The following SEMA4D variants were observed in gnomAD, a reference collection of about 807,000 sequenced individuals.
SEMA4D encodes the protein semaphorin-4D.
In SEMA4D, 22 loss-of-function variants were observed where a neutral mutation model predicts 74.8. The observed-to-expected ratio is 0.29, with a 90% confidence interval of 0.21 to 0.42. The LOEUF (loss-of-function observed/expected upper bound fraction) is 0.42. Ranked by LOEUF, SEMA4D falls within the 10% of genes least tolerant of loss-of-function variation. The pLI, the probability that SEMA4D is intolerant of heterozygous loss-of-function variation, is 1.00. For missense variants in SEMA4D, 937 were observed against 1,118.4 expected (o/e 0.84, Z 2.31); for synonymous variants, 445 against 463.7 (o/e 0.96, Z 0.52).
downstream of SEMA4D, among the ~76,000 whole-genome samples, chr9:89,373,212 G>A (rs982169895): frequency 6.6e-6 from 1 of 152,102 alleles, no homozygotes; most frequent in Non-Finnish European, 1.5e-5. Context: ...CGCACCCCAC[G>A]TTGGGCCCTT....
intron 2 of SEMA4D, among the ~76,000 whole-genome samples, chr9:89,438,963 CCTT>C (rs1851080840): frequency 8.5e-6 from 1 of 117,546 alleles, no homozygotes; most frequent in Non-Finnish European, 1.7e-5. Context: ...CCGCACCGGG[CCTT>C]TTTTTTTTTT....
At chr9:89,487,611 T>C (rs1036297130) in intron 1 of SEMA4D, among the ~76,000 whole-genome samples, 1 of 152,176 alleles carries the variant, frequency 6.6e-6, no homozygotes, top group African/African-American at 2.4e-5. Flanking sequence ...ATCAGAATTA[T>C]CTATATGAAA....
intron 2 of SEMA4D, among the ~76,000 whole-genome samples, chr9:89,414,324 G>A (rs552486803): frequency 6.6e-6 from 1 of 152,290 alleles, no homozygotes; most frequent in East Asian, 1.9e-4. Context: ...AGCGTGTTCT[G>A]GCTTATTTCT....
chr9:89,476,191 T>G (rs892114762), intron 1 of SEMA4D, among the ~76,000 whole-genome samples: 2 of 152,186 alleles, frequency 1.3e-5, no homozygotes, highest in African/African-American at 4.8e-5. Flanking sequence ...CCCTGCCTGC[T>G]CTGGGGCAGG....
intron 1 of SEMA4D, among the ~76,000 whole-genome samples, chr9:89,459,793 C>T (rs534980296): frequency 5.9e-5 from 9 of 152,318 alleles, no homozygotes; most frequent in African/African-American, 1.9e-4. Context: ...AAGGCCCACA[C>T]GCCACAAGAC....
intron 2 of SEMA4D, among the ~76,000 whole-genome samples, chr9:89,436,897 C>T (rs1316085343): frequency 2.0e-5 from 3 of 152,196 alleles, no homozygotes; most frequent in African/African-American, 7.2e-5. Flanking sequence ...GGGTGAGCTG[C>T]CTAAGGCCAC....
intron 8 of SEMA4D, 76 bp from the exon 9 acceptor site, chr9:89,391,491 G>T: frequency 6.8e-7 from 1 of 1,472,560 alleles, no homozygotes; most frequent in Non-Finnish European, 9.4e-7. Context: ...CACGAGGCCG[G>T]CCAACACTAC....
chr9:89,431,920 T>C (rs1349057178), intron 2 of SEMA4D, among the ~76,000 whole-genome samples: 3 of 152,226 alleles, frequency 2.0e-5, no homozygotes, highest in Admixed American at 6.5e-5. Flanking sequence ...CTGGGATCCA[T>C]ACAGTCAAGG....
At chr9:89,480,641 C>T (rs1824541882) in intron 1 of SEMA4D, among the ~76,000 whole-genome samples, 1 of 152,258 alleles carries the variant, frequency 6.6e-6, no homozygotes, top group Non-Finnish European at 1.5e-5. Flanking sequence ...TCAGTACACC[C>T]TCCGCAGCCA....
chr9:89,449,759 A>G, intron 2 of SEMA4D: 2 of 1,517,108 alleles, frequency 1.3e-6, no homozygotes, highest in Non-Finnish European at 1.8e-6. Context: ...TCAAGAAAGA[A>G]AAAGAGATGA....
At chr9:89,479,225 C>T (rs1862550478) in intron 1 of SEMA4D, among the ~76,000 whole-genome samples, 1 of 152,236 alleles carries the variant, frequency 6.6e-6, no homozygotes, top group Non-Finnish European at 1.5e-5. Flanking sequence ...CTCAGCCTCA[C>T]ACCCACCACA....
rs933259834 is a variant in SEMA4D, at chr9:89,386,680, A to G, written c.1331-198T>C. 1.3e-5 allele frequency: 7 copies of G among 521,552 alleles called. No individual in the cohort carries two copies. In the Admixed American group the frequency reaches 2.1e-4, roughly 16 times the overall value. The allele number at this position is 521,552 out of a possible 1,614,324, so 32.3% of individuals were successfully genotyped here. On this transcript the variant is annotated intron_variant, in intron 12 of 15. Coordinates refer to ENST00000422704, the MANE Select transcript of SEMA4D (RefSeq NM_001371194.2). Reference sequence around the variant, plus strand: ...ACAGACAACTGGAAACCCAAGTGTTATGGGTTATTCCAGTTTTTTTCCAAG... The same window carrying G: ...ACAGACAACTGGAAACCCAAGTGTTGTGGGTTATTCCAGTTTTTTTCCAAG...
chr9:89,427,238 C>T (rs576820463), intron 2 of SEMA4D, among the ~76,000 whole-genome samples: 1 of 152,112 alleles, frequency 6.6e-6, no homozygotes, highest in African/African-American at 2.4e-5. Context: ...TAAGGCAGTC[C>T]CTCAATTCCC....
intron 2 of SEMA4D, among the ~76,000 whole-genome samples, chr9:89,431,978 T>A (rs1429427994): frequency 6.6e-6 from 1 of 152,190 alleles, no homozygotes; most frequent in Non-Finnish European, 1.5e-5. Context: ...TCTCTCTGTG[T>A]CCATACCTCA....
At chr9:89,470,266 AAAG>A (rs1316629658) in intron 1 of SEMA4D, among the ~76,000 whole-genome samples, 2 of 152,256 alleles carry the variant, frequency 1.3e-5, no homozygotes, top group African/African-American at 2.4e-5. Context: ...TAGAATATAT[AAAG>A]AAGTCTCAAA....
At chr9:89,429,058 G>A (rs988833330) in intron 2 of SEMA4D, among the ~76,000 whole-genome samples, 3 of 152,186 alleles carry the variant, frequency 2.0e-5, no homozygotes, top group East Asian at 3.9e-4. Flanking sequence ...CCCACTAAGC[G>A]GTTCGTCCAA....
chr9:89,458,741 G>GCA (rs143720953), intron 1 of SEMA4D, among the ~76,000 whole-genome samples: 2 of 151,550 alleles, frequency 1.3e-5, no homozygotes, highest in African/African-American at 4.8e-5. Flanking sequence ...ACACACTCAT[G>GCA]CACACACACA....
downstream of SEMA4D, chr9:89,376,808 A>G: frequency 8.4e-6 from 13 of 1,538,602 alleles, no homozygotes; most frequent in Non-Finnish European, 1.1e-5. Flanking sequence ...GACAGGGCAC[A>G]GGGGACAGAG....
intron 2 of SEMA4D, among the ~76,000 whole-genome samples, chr9:89,417,879 G>T (rs1313503644): frequency 6.6e-6 from 1 of 152,174 alleles, no homozygotes; most frequent in African/African-American, 2.4e-5. Flanking sequence ...TGGGTGCCCA[G>T]CACCCACCTC....
Sources: allele counts gnomAD v4.1 joint callset (sites outside exome capture counted in the v4.1 genomes callset), GRCh38; gene constraint gnomAD v4.1.1; transcripts MANE v1.5; gene names NCBI Gene and HGNC (gene_info 2026-07-23, HGNC 2026-07-21).